The following CDH4 variants were observed in gnomAD, a reference collection of about 807,000 sequenced individuals.
CDH4 encodes the protein cadherin 4.
Under a neutral mutation model 86.0 loss-of-function variants are expected in CDH4, and 33 were observed. That is an observed-to-expected ratio of 0.38 (90% CI 0.29 to 0.51). CDH4 has a LOEUF of 0.51. CDH4 is among the 20% of genes least tolerant of loss of function. The pLI, the probability that CDH4 is intolerant of heterozygous loss-of-function variation, is 0.86. For synonymous variants in CDH4, 555 were observed against 549.4 expected, an observed-to-expected ratio of 1.01 and a Z score of -0.14; for missense variants, 1,114 against 1,307.4, an observed-to-expected ratio of 0.85 and a Z score of 2.28.
rs1402529500 is a variant in CDH4 at position 61,405,653 on chromosome 20, CT to C, written c.169+150717del. On this transcript the variant is annotated intron_variant, in intron 2 of 15. Transcript: ENST00000614565. ...GTCTTTTTTATAGTAAATATTTAGA[CT>C]AGGTCTGGCTATATATATTATAGCT... 7.9e-5 allele frequency among the ~76,000 whole-genome samples: 12 copies of C among 151,804 alleles called. No individual in the cohort carries two copies. In the East Asian group the frequency reaches 2.3e-3, roughly 29 times the overall value.
chr20:61,361,104 G>A (rs28648080), intron 2 of CDH4, among the ~76,000 whole-genome samples: 34,632 of 152,044 alleles, frequency 0.23, 4,468 homozygotes, highest in South Asian at 0.35. Flanking sequence ...GTTGGGAAGG[G>A]AGCGACGTGG....
rs532478850 is a variant in CDH4 at position 61,547,802 on chromosome 20, T to C, written c.170-195761T>C. On this transcript the variant is annotated intron_variant, in intron 2 of 15. Transcript: ENST00000614565. The stretch of plus-strand genomic sequence containing the variant: ...CTTGAGCATCTGAAATCGTTTCCCA[T>C]GCATGGACATGTGTGCATGCCTGCA... 2.6e-5 allele frequency among the ~76,000 whole-genome samples: 4 copies of C among 152,302 alleles called. No homozygotes were observed. The South Asian group carries it at 6.2e-4, about 24-fold the overall frequency.
chr20:61,755,807 C>T (rs1440861695), intron 3 of CDH4, among the ~76,000 whole-genome samples: 1 of 152,168 alleles, frequency 6.6e-6, no homozygotes, highest in Non-Finnish European at 1.5e-5. Context: ...CACATTTACA[C>T]GTACGCACAT....
At chr20:61,589,028 T>C (rs977747245) in intron 2 of CDH4, among the ~76,000 whole-genome samples, 3 of 152,238 alleles carry the variant, frequency 2.0e-5, no homozygotes, top group African/African-American at 4.8e-5. Context: ...AGATCAGAGC[T>C]GTGTGTGGAC....
intron 6 of CDH4, among the ~76,000 whole-genome samples, chr20:61,854,690 C>T (rs1388210191): frequency 5.3e-3 from 527 of 100,076 alleles, no homozygotes; most frequent in African/African-American, 0.016. Context: ...GTGCCTTTGG[C>T]CCACCCCCAG....
intron 2 of CDH4, among the ~76,000 whole-genome samples, chr20:61,403,070 G>A (rs970014756): frequency 3.3e-5 from 5 of 152,296 alleles, no homozygotes; most frequent in Admixed American, 6.5e-5. Flanking sequence ...TGCAAATTTT[G>A]CAGGGGTCTC....
chr20:61,848,142 G>A (rs746759451), intron 5 of CDH4, among the ~76,000 whole-genome samples: 3 of 152,266 alleles, frequency 2.0e-5, no homozygotes, highest in Non-Finnish European at 4.4e-5. Flanking sequence ...GGGATCACAG[G>A]CTGGTGGGGA....
At chr20:61,707,874 TC>T (rs2087848984) in intron 2 of CDH4, among the ~76,000 whole-genome samples, 1 of 152,208 alleles carries the variant, frequency 6.6e-6, no homozygotes, top group African/African-American at 2.4e-5. Context: ...AGGAGGCTCT[TC>T]CTGTGTCCTG....
intron 2 of CDH4, among the ~76,000 whole-genome samples, chr20:61,442,334 C>A (rs1379848322): frequency 1.3e-5 from 2 of 152,228 alleles, no homozygotes; most frequent in Non-Finnish European, 2.9e-5. Flanking sequence ...CCTCCGAATA[C>A]TCCACTTGCA....
intron 2 of CDH4, among the ~76,000 whole-genome samples, chr20:61,273,584 G>A (rs1201746128): frequency 5.2e-5 from 7 of 134,872 alleles, no homozygotes; most frequent in Admixed American, 7.5e-5. Flanking sequence ...GGGGAATACC[G>A]AGTGCAGTTT....
chr20:61,483,739 C>A (rs2085580866), intron 2 of CDH4, among the ~76,000 whole-genome samples: 1 of 142,792 alleles, frequency 7.0e-6, no homozygotes, highest in South Asian at 2.3e-4. Flanking sequence ...TGGATGCATG[C>A]CCTGGAGAAA....
chr20:61,392,461 C>T lies in CDH4; in HGVS notation c.169+137524C>T, dbSNP rs1047971482. Reference sequence around the variant, plus strand: ...GAGTTCCTTGAATATTAAAATTAACCTTTTTTAATAACAGAAATGATATAG... The same window carrying T: ...GAGTTCCTTGAATATTAAAATTAACTTTTTTTAATAACAGAAATGATATAG... On this transcript the variant is annotated intron_variant, in intron 2 of 15. Transcript: ENST00000614565. This position sits in a 1 kb window ranked among gnomAD's most constrained non-coding sequence, Gnocchi z 5.7. Among the ~76,000 whole-genome samples, 2 of 152,064 alleles carry T rather than the reference C, an allele frequency of 1.3e-5. No individual in the cohort carries two copies. Among genetic ancestry groups the T allele is most frequent in the Non-Finnish European group, 2.9e-5 (2 of 68,004 alleles).
intron 2 of CDH4, among the ~76,000 whole-genome samples, chr20:61,607,848 T>G (rs908171228): frequency 2.0e-5 from 3 of 152,328 alleles, no homozygotes; most frequent in Middle Eastern, 3.4e-3. Flanking sequence ...GAGGCTGGTT[T>G]GATGCTTTTG....
chr20:61,915,602 T>C (rs773952746), intron 9 of CDH4, among the ~76,000 whole-genome samples: 32 of 152,242 alleles, frequency 2.1e-4, no homozygotes, highest in Non-Finnish European at 4.4e-4. Context: ...TGACACGCGA[T>C]GGGTCTCCAG....
At chr20:61,769,215 C>G (rs2145980933) in intron 3 of CDH4, among the ~76,000 whole-genome samples, 1 of 152,322 alleles carries the variant, frequency 6.6e-6, no homozygotes, top group South Asian at 2.1e-4. Flanking sequence ...TGGGAGACGC[C>G]CTGTTCTCCA....
intron 2 of CDH4, among the ~76,000 whole-genome samples, chr20:61,626,060 C>A (rs1163218695): frequency 6.6e-6 from 1 of 152,222 alleles, no homozygotes; most frequent in Non-Finnish European, 1.5e-5. Context: ...TTAGCCCCTG[C>A]AATATTTGAG....
chr20:61,794,080 T>G (rs1979387068), intron 4 of CDH4, among the ~76,000 whole-genome samples: 1 of 148,290 alleles, frequency 6.7e-6, no homozygotes, highest in Non-Finnish European at 1.5e-5. Context: ...GAGATGGAGC[T>G]TGCAGTGAGC....
At chr20:61,887,586 A>G (rs1197114619) in intron 7 of CDH4, among the ~76,000 whole-genome samples, 1 of 152,256 alleles carries the variant, frequency 6.6e-6, no homozygotes, top group African/African-American at 2.4e-5. Context: ...TTTTCAATAT[A>G]TAGAAAAGAA....
At chr20:61,908,084 G>C (rs2054810202) in intron 8 of CDH4, among the ~76,000 whole-genome samples, 2 of 152,220 alleles carry the variant, frequency 1.3e-5, no homozygotes, top group Non-Finnish European at 2.9e-5. Context: ...TAGAGCCCCA[G>C]GTCGAGGAGG....
Sources: allele counts gnomAD v4.1 joint callset (sites outside exome capture counted in the v4.1 genomes callset), GRCh38; gene constraint gnomAD v4.1.1; non-coding constraint Gnocchi (gnomAD v3.1); transcripts MANE v1.5; gene names NCBI Gene and HGNC (gene_info 2026-07-23, HGNC 2026-07-21).